Variants in ZNF385D observed in about 807,000 individuals in gnomAD.
ZNF385D encodes zinc finger protein 659.
Under a neutral mutation model 35.8 loss-of-function variants are expected in ZNF385D, and 15 were observed. The ratio of observed to expected loss-of-function variants is 0.42; its 90% CI spans 0.28 to 0.64. ZNF385D has a LOEUF of 0.64. ZNF385D is among the 30% of genes least tolerant of loss of function. The pLI, the probability that ZNF385D is intolerant of heterozygous loss-of-function variation, is 0.23. For synonymous variants in ZNF385D, 212 were observed against 186.8 expected, an observed-to-expected ratio of 1.13 and a Z score of -1.10; for missense variants, 474 against 494.6, an observed-to-expected ratio of 0.96 and a Z score of 0.39.
chr3:21,477,140 A>G (rs1190957537), intron 4 of ZNF385D, among the ~76,000 whole-genome samples: 1 of 152,124 alleles, frequency 6.6e-6, no homozygotes, highest in Non-Finnish European at 1.5e-5. Flanking sequence ...CAGTTAATGG[A>G]AGGTTGAGGA....
At position 22,279,552 on chromosome 3, in the gene ZNF385D, A is replaced by G. The variant is rs777098439; in HGVS notation, c.106+92898T>C. 3.0e-4 allele frequency among the ~76,000 whole-genome samples: 43 copies of G among 142,994 alleles called. No homozygotes were observed. The South Asian group carries it at 3.6e-3, about 12-fold the overall frequency. 93.8% of individuals were successfully genotyped at this position (142,994 alleles called of 152,430 possible). A position where few individuals can be genotyped will look rare whatever the true frequency, so the allele number is the denominator to read the frequency against. ...TATGTACATATATATGTATATACAT[A>G]TACATATGTACATATATATGTATAT... is the stretch of plus-strand genomic sequence containing the variant. On this transcript the variant is annotated intron_variant, in intron 2 of 5. Coordinates refer to the ZNF385D transcript ENST00000494108.
chr3:21,685,425 G>A (rs1308679746), intron 1 of ZNF385D, among the ~76,000 whole-genome samples: 2 of 152,122 alleles, frequency 1.3e-5, no homozygotes, highest in Non-Finnish European at 2.9e-5. Flanking sequence ...AGCAGAAGTG[G>A]CAGACTCGTA....
intron 3 of ZNF385D, among the ~76,000 whole-genome samples, chr3:22,011,382 G>T (rs1362659176): frequency 6.6e-6 from 1 of 152,012 alleles, no homozygotes; most frequent in Non-Finnish European, 1.5e-5. Context: ...TTAAAATAGT[G>T]GTAAACTGTC....
chr3:21,989,345 G>A (rs527694758), intron 3 of ZNF385D, among the ~76,000 whole-genome samples: 7 of 152,176 alleles, frequency 4.6e-5, no homozygotes, highest in Middle Eastern at 3.4e-3. Flanking sequence ...TGCATTTCTG[G>A]AATATGTTCA....
At chr3:22,197,991 C>T (rs986899734) in intron 2 of ZNF385D, among the ~76,000 whole-genome samples, 1 of 152,032 alleles carries the variant, frequency 6.6e-6, no homozygotes, top group Non-Finnish European at 1.5e-5. Context: ...AAGGCGATGT[C>T]CCCTTTTACT....
intron 3 of ZNF385D, among the ~76,000 whole-genome samples, chr3:21,518,954 C>T (rs988486113): frequency 6.6e-6 from 1 of 152,102 alleles, no homozygotes; most frequent in Non-Finnish European, 1.5e-5. Context: ...TAGAAGATTA[C>T]ATTATGAATA....
At chr3:22,102,274 C>G (rs1432244845) in intron 3 of ZNF385D, among the ~76,000 whole-genome samples, 2 of 151,986 alleles carry the variant, frequency 1.3e-5, no homozygotes, top group Non-Finnish European at 2.9e-5. Context: ...ATTTTACACT[C>G]ATGATTTCAC....
chr3:21,846,300 A>T (rs1295231785), intron 3 of ZNF385D, among the ~76,000 whole-genome samples: 1 of 151,992 alleles, frequency 6.6e-6, no homozygotes, highest in Non-Finnish European at 1.5e-5. Context: ...TTAGACTTGC[A>T]CATCTGCCCA....
chr3:21,717,616 G>T (rs1030231649), intron 1 of ZNF385D, among the ~76,000 whole-genome samples: 2 of 152,126 alleles, frequency 1.3e-5, no homozygotes, highest in African/African-American at 4.8e-5. Flanking sequence ...TAATTCCCAC[G>T]TGGAGGGATC....
At chr3:21,992,542 T>C (rs1282578724) in intron 3 of ZNF385D, among the ~76,000 whole-genome samples, 2 of 152,188 alleles carry the variant, frequency 1.3e-5, no homozygotes, top group Admixed American at 1.3e-4. Flanking sequence ...TAACCCATTT[T>C]CCATAGGAAG....
intron 2 of ZNF385D, among the ~76,000 whole-genome samples, chr3:22,264,994 C>T (rs1215717069): frequency 6.6e-6 from 1 of 151,842 alleles, no homozygotes; most frequent in Admixed American, 6.6e-5. Flanking sequence ...CCTTCTACTC[C>T]AGAATCCTCA....
intron 3 of ZNF385D, among the ~76,000 whole-genome samples, chr3:21,973,483 A>G (rs12497966): frequency 0.11 from 16,476 of 152,034 alleles, 1,195 homozygotes; most frequent in South Asian, 0.26. Flanking sequence ...GGAAAAACTG[A>G]CAGCTTTTCC....
At chr3:21,897,973 C>A (rs1699218054) in intron 3 of ZNF385D, among the ~76,000 whole-genome samples, 1 of 151,994 alleles carries the variant, frequency 6.6e-6, no homozygotes, top group Admixed American at 6.6e-5. Flanking sequence ...TTTATATCAA[C>A]CAAAACTTAT....
chr3:22,044,472 T>A (rs985467318), intron 3 of ZNF385D, among the ~76,000 whole-genome samples: 4 of 152,088 alleles, frequency 2.6e-5, no homozygotes, highest in African/African-American at 9.7e-5. Context: ...TAAAAATTTT[T>A]AAAAAGACAC....
At chr3:22,004,185 T>C (rs1401250466) in intron 3 of ZNF385D, among the ~76,000 whole-genome samples, 1 of 152,038 alleles carries the variant, frequency 6.6e-6, no homozygotes, top group Non-Finnish European at 1.5e-5. Context: ...GCACTAAGAA[T>C]ACATGTTGGG....
At chr3:21,875,696 C>G (rs1697927261) in intron 3 of ZNF385D, among the ~76,000 whole-genome samples, 1 of 152,054 alleles carries the variant, frequency 6.6e-6, no homozygotes, top group Non-Finnish European at 1.5e-5. Context: ...AGCTCAAACC[C>G]AGGCCAGCCT....
At chr3:21,714,986 A>C (rs1292341746) in intron 1 of ZNF385D, among the ~76,000 whole-genome samples, 2 of 152,222 alleles carry the variant, frequency 1.3e-5, no homozygotes, top group African/African-American at 4.8e-5. Flanking sequence ...CTACTCATTT[A>C]GCAAAATTCC....
chr3:21,756,287 A>G (rs2070336583), intron 3 of ZNF385D, among the ~76,000 whole-genome samples: 1 of 152,178 alleles, frequency 6.6e-6, no homozygotes, highest in Non-Finnish European at 1.5e-5. Context: ...TAGGTTAGAT[A>G]AGCAATTTAA....
At chr3:21,460,719 A>G (rs1056351458) in intron 4 of ZNF385D, among the ~76,000 whole-genome samples, 7 of 152,268 alleles carry the variant, frequency 4.6e-5, no homozygotes, top group African/African-American at 1.7e-4. Context: ...CAATGAAGTT[A>G]CTTATTACAA....
Sources: gnomAD v4.1 joint callset for allele counts (sites outside exome capture counted in the v4.1 genomes callset) on GRCh38, gnomAD v4.1.1 for gene constraint, MANE v1.5 for transcripts, NCBI Gene and HGNC (gene_info 2026-07-23, HGNC 2026-07-21) for gene names.